Variants in ADAMTSL1 observed in about 807,000 individuals in gnomAD.
ADAMTSL1 encodes ADAMTS like 1.
ADAMTSL1 carries 126 observed loss-of-function variants against 201.8 expected under a neutral mutation model. The observed-to-expected ratio is 0.62, with a 90% confidence interval of 0.54 to 0.72. ADAMTSL1 has a LOEUF of 0.72. Among genes scored for constraint, ADAMTSL1 ranks in the 30% least tolerant of loss-of-function variants. The pLI, the probability that ADAMTSL1 is intolerant of heterozygous loss-of-function variation, is 0.00. For synonymous variants in ADAMTSL1, 1,121 were observed against 903.4 expected (o/e 1.24, Z -4.32); for missense variants, 2,679 against 2,277.8 (o/e 1.18, Z -3.59).
At chr9:18,525,972 G>A (rs549069501) in intron 2 of ADAMTSL1, among the ~76,000 whole-genome samples, 41 of 152,330 alleles carry the variant, frequency 2.7e-4, no homozygotes, top group South Asian at 4.2e-4. Context: ...ACTTGGTACA[G>A]AGCTGAGTTC....
At chr9:18,248,377 A>C (rs893782079) in intron 2 of ADAMTSL1, among the ~76,000 whole-genome samples, 4 of 152,152 alleles carry the variant, frequency 2.6e-5, no homozygotes, top group African/African-American at 9.7e-5. Flanking sequence ...TTGCTATTCC[A>C]GACTGCTGCA....
At chr9:18,406,005 G>C (rs1818176569) in intron 2 of ADAMTSL1, among the ~76,000 whole-genome samples, 2 of 152,156 alleles carry the variant, frequency 1.3e-5, no homozygotes, top group South Asian at 4.1e-4. Context: ...AGCTCTTCTT[G>C]AGAATGTTAG....
chr9:18,886,166 G>GTATGTATATATATATATATATA (rs55916376), intron 23 of ADAMTSL1, among the ~76,000 whole-genome samples: 2 of 37,132 alleles, frequency 5.4e-5, no homozygotes, highest in Non-Finnish European at 9.7e-5. Flanking sequence ...GTGTGTATGT[G>GTATGTATATATATATATATATA]TATATATATA....
At chr9:18,630,312 G>A (rs1317367502) in intron 5 of ADAMTSL1, among the ~76,000 whole-genome samples, 1 of 152,146 alleles carries the variant, frequency 6.6e-6, no homozygotes, top group Non-Finnish European at 1.5e-5. Context: ...CCCTGTATGA[G>A]CACCGTGTAC....
At chr9:18,232,506 C>G (rs534688404) in intron 2 of ADAMTSL1, among the ~76,000 whole-genome samples, 10 of 152,098 alleles carry the variant, frequency 6.6e-5, no homozygotes, top group Admixed American at 2.6e-4. Context: ...TCATGTTTGT[C>G]CCTTTTTTTC....
intron 15 of ADAMTSL1, 26 bp from the exon 16 acceptor site, chr9:18,753,272 C>T: frequency 6.3e-7 from 1 of 1,593,416 alleles, no homozygotes; most frequent in Non-Finnish European, 8.6e-7. Context: ...AAGGGTGTGT[C>T]CTCTTCCTCT....
chr9:18,282,753 C>T (rs562663350), intron 2 of ADAMTSL1, among the ~76,000 whole-genome samples: 5 of 152,214 alleles, frequency 3.3e-5, no homozygotes, highest in African/African-American at 4.8e-5. Flanking sequence ...CAAAATTAGC[C>T]GGCTGTGGTA....
intron 15 of ADAMTSL1, among the ~76,000 whole-genome samples, chr9:18,731,495 G>A (rs2133483292): frequency 6.6e-6 from 1 of 152,230 alleles, no homozygotes; most frequent in South Asian, 2.1e-4. Context: ...GCCGGCCACA[G>A]TGGCATGCAC....
At chr9:18,410,005 T>G (rs1336585448) in intron 2 of ADAMTSL1, among the ~76,000 whole-genome samples, 1 of 151,816 alleles carries the variant, frequency 6.6e-6, no homozygotes, top group Non-Finnish European at 1.5e-5. Flanking sequence ...TTCCTGAGTT[T>G]AAATGAAATA....
At chr9:18,622,607 C>T (rs1197553521) in intron 5 of ADAMTSL1, 4 of 595,304 alleles carry the variant, frequency 6.7e-6, no homozygotes, top group Middle Eastern at 4.4e-4. Flanking sequence ...GTGAACCAGA[C>T]ATGGGGCTAC....
chr9:18,494,083 G>C (rs985773428), intron 1 of ADAMTSL1, among the ~76,000 whole-genome samples: 13 of 152,158 alleles, frequency 8.5e-5, no homozygotes, highest in African/African-American at 2.9e-4. Flanking sequence ...GGATGGCTGG[G>C]TGGTGGCTCA....
At chr9:17,955,440 T>C (rs1311906909) in intron 1 of ADAMTSL1, among the ~76,000 whole-genome samples, 1 of 152,216 alleles carries the variant, frequency 6.6e-6, no homozygotes, top group African/African-American at 2.4e-5. Context: ...ATTCCAAATT[T>C]AGGACTGTAG....
At chr9:18,124,282 C>T (rs1825640430) in intron 1 of ADAMTSL1, among the ~76,000 whole-genome samples, 2 of 151,756 alleles carry the variant, frequency 1.3e-5, no homozygotes, top group Admixed American at 6.6e-5. Flanking sequence ...GGGGTTTCAC[C>T]ATGTTGGCCA....
At chr9:18,677,841 G>GACAGTTAT (rs1368236349) in intron 10 of ADAMTSL1, among the ~76,000 whole-genome samples, 90 of 151,964 alleles carry the variant, frequency 5.9e-4, no homozygotes, top group Non-Finnish European at 1.1e-3. Context: ...GTCTGATACT[G>GACAGTTAT]AACTAGTTAT....
intron 23 of ADAMTSL1, among the ~76,000 whole-genome samples, chr9:18,865,078 T>C (rs1442848680): frequency 1.3e-5 from 2 of 152,206 alleles, no homozygotes; most frequent in East Asian, 1.9e-4. Context: ...CTAGGGTACA[T>C]GTGCACAACG....
intron 1 of ADAMTSL1, among the ~76,000 whole-genome samples, chr9:17,928,291 A>T (rs1826637751): frequency 6.6e-6 from 1 of 152,028 alleles, no homozygotes; most frequent in African/African-American, 2.4e-5. Flanking sequence ...TAGCCACTGA[A>T]CCTAGTTCTT....
intron 2 of ADAMTSL1, among the ~76,000 whole-genome samples, chr9:18,213,697 G>A (rs1272324289): frequency 1.3e-5 from 2 of 152,160 alleles, no homozygotes; most frequent in Non-Finnish European, 2.9e-5. Flanking sequence ...CAGAGATAGA[G>A]GAAGTTGTAC....
chr9:18,772,012 G>A (rs191060989), intron 17 of ADAMTSL1, among the ~76,000 whole-genome samples: 27 of 152,234 alleles, frequency 1.8e-4, no homozygotes, highest in African/African-American at 5.3e-4. Context: ...GTCTCAGAAC[G>A]TTTGGGGAAT....
intron 1 of ADAMTSL1, among the ~76,000 whole-genome samples, chr9:18,099,345 ATATATATATATTTTTTT>A (rs1490105433): frequency 2.8e-4 from 13 of 46,240 alleles, no homozygotes; most frequent in African/African-American, 1.0e-3. Flanking sequence ...ATATATATAT[ATATATATATATTTTTTT>A]TTTTTTTTTT....
Sources: gnomAD v4.1 joint callset for allele counts (sites outside exome capture counted in the v4.1 genomes callset) on GRCh38, gnomAD v4.1.1 for gene constraint, MANE v1.5 for transcripts, NCBI Gene and HGNC (gene_info 2026-07-23, HGNC 2026-07-21) for gene names.